The following NTN1 variants were observed in gnomAD, a reference collection of about 807,000 sequenced individuals.
NTN1 encodes the protein netrin 1.
NTN1 carries 11 observed loss-of-function variants against 54.2 expected under a neutral mutation model. That is an observed-to-expected ratio of 0.20 (90% CI 0.13 to 0.34). The LOEUF is 0.34. Among genes scored for constraint, NTN1 ranks in the 10% least tolerant of loss-of-function variants. The probability of loss-of-function intolerance (pLI) is 1.00; values close to 1 mark genes in which losing one functional copy is unlikely to be tolerated. For synonymous variants in NTN1, 371 were observed against 382.0 expected, an observed-to-expected ratio of 0.97 and a Z score of 0.33; for missense variants, 740 against 893.1, an observed-to-expected ratio of 0.83 and a Z score of 2.18.
intron 6 of NTN1, among the ~76,000 whole-genome samples, chr17:9,226,002 C>T (rs2142362045): frequency 6.6e-6 from 1 of 152,252 alleles, no homozygotes; most frequent in South Asian, 2.1e-4. Flanking sequence ...GGGCAGCGGC[C>T]AGAGGGTGGA....
At chr17:9,094,195 T>C (rs71369622) in intron 2 of NTN1, among the ~76,000 whole-genome samples, 11,824 of 152,288 alleles carry the variant, frequency 0.078, 623 homozygotes, top group Non-Finnish European at 0.11. Context: ...ACTCTCTTGC[T>C]GCAACCTAAT....
Position 9,179,789 on chromosome 17 carries a change from ATT to A in NTN1, c.1208-15_1208-14del. ...CGCTTCCCCCTTGTCTGACCCTCCC[ATT>A]TTGTGTTCTCTGCAGCCTGTGATTG... On this transcript the variant is annotated splice_polypyrimidine_tract_variant and intron_variant, in intron 3 of 6. Transcript: ENST00000173229. The A allele has an allele frequency of 1.2e-6, 2 of 1,610,880 alleles. No individual in the cohort carries two copies. The highest frequency in any genetic ancestry group is 1.7e-6 in the Non-Finnish European group (2 of 1,178,588).
Position 9,241,886 on chromosome 17 carries a change from T to C in NTN1, c.*1918T>C, listed in dbSNP as rs1372175445. On this transcript the variant is annotated 3_prime_UTR_variant, in exon 7 of 7. Coordinates refer to ENST00000173229, the MANE Select transcript of NTN1 (RefSeq NM_004822.3). ...GGGGCCACGCTGGCCCTCACTGCAC[T>C]CCAGCTCTGCAGCCTACCCGCCCAA... is the stretch of plus-strand genomic sequence containing the variant. 5 of 152,338 alleles carry C rather than the reference T, an allele frequency of 3.3e-5. No homozygotes were observed. Among genetic ancestry groups the C allele is most frequent in the Admixed American group, 6.5e-5 (1 of 15,298 alleles). The allele number at this position is 152,338 out of a possible 1,614,324, so 9.4% of individuals were successfully genotyped here.
chr17:9,092,283 T>C (rs1032288691), intron 2 of NTN1, among the ~76,000 whole-genome samples: 2 of 150,702 alleles, frequency 1.3e-5, no homozygotes, highest in African/African-American at 2.4e-5. Context: ...TGAGTAATAC[T>C]CCATTGTATG....
At chr17:9,141,463 AT>A (rs962297871) in intron 2 of NTN1, among the ~76,000 whole-genome samples, 47 of 152,258 alleles carry the variant, frequency 3.1e-4, no homozygotes, top group African/African-American at 1.1e-3. Flanking sequence ...CATGAGTTGG[AT>A]TTTGCAATAT....
intron 2 of NTN1, among the ~76,000 whole-genome samples, chr17:9,054,623 A>G (rs1260953171): frequency 3.3e-5 from 5 of 152,364 alleles, no homozygotes; most frequent in Admixed American, 2.6e-4. Context: ...ATTCAGAACA[A>G]GAGTGGGAGA....
intron 2 of NTN1, among the ~76,000 whole-genome samples, chr17:9,101,283 A>C (rs376139859): frequency 4.6e-5 from 7 of 152,194 alleles, no homozygotes; most frequent in African/African-American, 1.7e-4. Flanking sequence ...GGACCAAAGC[A>C]TCCAGTCTAT....
At chr17:9,043,874 C>T (rs1412617161) in intron 2 of NTN1, among the ~76,000 whole-genome samples, 2 of 152,108 alleles carry the variant, frequency 1.3e-5, no homozygotes, top group East Asian at 3.9e-4. Context: ...ACCACTGCAC[C>T]TGGCATCATC....
intron 2 of NTN1, among the ~76,000 whole-genome samples, chr17:9,044,887 A>C (rs1026140991): frequency 6.6e-6 from 1 of 152,228 alleles, no homozygotes; most frequent in Non-Finnish European, 1.5e-5. Context: ...GTCACAAAAC[A>C]GTATGCGAAA....
At chr17:9,150,814 T>A (rs1261787825) in intron 2 of NTN1, among the ~76,000 whole-genome samples, 5 of 148,742 alleles carry the variant, frequency 3.4e-5, no homozygotes, top group Non-Finnish European at 7.4e-5. Flanking sequence ...GTGGAAAAAA[T>A]GACGGCGAGG....
At chr17:9,229,391 C>T (rs1905729584) in intron 6 of NTN1, among the ~76,000 whole-genome samples, 1 of 136,894 alleles carries the variant, frequency 7.3e-6, no homozygotes, top group Non-Finnish European at 1.5e-5. Flanking sequence ...TTAATCTCCA[C>T]ACACACCTTG....
At chr17:9,161,638 C>T (rs961918244) in intron 2 of NTN1, among the ~76,000 whole-genome samples, 1 of 152,026 alleles carries the variant, frequency 6.6e-6, no homozygotes, top group East Asian at 1.9e-4. Context: ...ATTAGCCTGG[C>T]GTGGTGGTGT....
At chr17:9,158,177 C>T (rs1025773440) in intron 2 of NTN1, among the ~76,000 whole-genome samples, 9 of 152,148 alleles carry the variant, frequency 5.9e-5, no homozygotes, top group Non-Finnish European at 1.0e-4. Flanking sequence ...GGAAGGGAGC[C>T]CTGCCTTTTG....
Position 9,070,888 on chromosome 17 carries a change from G to A in NTN1, c.1018+47497G>A, listed in dbSNP as rs190060928. 2.7e-4 allele frequency among the ~76,000 whole-genome samples: 41 copies of A among 152,174 alleles called. No homozygotes were observed. In the East Asian group the frequency reaches 2.9e-3, roughly 11 times the overall value. Reference sequence around the variant, plus strand: ...ATTACAGGCATGAGCCACCGCACCCGGTCCTGGAGCTCACTTTTAAGCTAC... The same window carrying A: ...ATTACAGGCATGAGCCACCGCACCCAGTCCTGGAGCTCACTTTTAAGCTAC... On this transcript the variant is annotated intron_variant, in intron 2 of 6. Transcript: ENST00000173229.
intron 6 of NTN1, among the ~76,000 whole-genome samples, chr17:9,224,811 G>C (rs1046977700): frequency 4.6e-5 from 7 of 151,368 alleles, no homozygotes; most frequent in African/African-American, 7.3e-5. Flanking sequence ...GGGTGGGGGG[G>C]CACAGTGGGA....
At chr17:9,176,748 G>T (rs932067058) in intron 3 of NTN1, 1 of 152,202 alleles carries the variant, frequency 6.6e-6, no homozygotes, top group African/African-American at 2.4e-5. Flanking sequence ...TAAGATAGGA[G>T]CTTATTTCTC....
intron 2 of NTN1, among the ~76,000 whole-genome samples, chr17:9,156,901 T>TATCC (rs932388480): frequency 1.5e-4 from 23 of 152,014 alleles, no homozygotes; most frequent in East Asian, 9.6e-4. Flanking sequence ...CCCACCTACC[T>TATCC]ATCCATCCAT....
At chr17:9,065,026 T>TC (rs1436237751) in intron 2 of NTN1, among the ~76,000 whole-genome samples, 3 of 152,190 alleles carry the variant, frequency 2.0e-5, no homozygotes, top group African/African-American at 7.2e-5. Flanking sequence ...AACCTCCACT[T>TC]CCCGGGTTCA....
intron 5 of NTN1, among the ~76,000 whole-genome samples, chr17:9,191,432 C>T (rs1171532098): frequency 6.6e-6 from 1 of 152,200 alleles, no homozygotes; most frequent in East Asian, 1.9e-4. Context: ...TGCACTGCAG[C>T]CTGGGCAACA....
Sources: allele counts gnomAD v4.1 joint callset (sites outside exome capture counted in the v4.1 genomes callset), GRCh38; gene constraint gnomAD v4.1.1; transcripts MANE v1.5; gene names NCBI Gene and HGNC (gene_info 2026-07-23, HGNC 2026-07-21).